The following CTNNA3 variants were observed in gnomAD, a reference collection of about 807,000 sequenced individuals.
CTNNA3 encodes the protein catenin alpha-3.
In CTNNA3, 76 loss-of-function variants were observed where a neutral mutation model predicts 95.7. The observed-to-expected ratio is 0.79, with a 90% CI of 0.66 to 0.96. The LOEUF is 0.96. Among genes scored for constraint, CTNNA3 ranks in the 40% least tolerant of loss-of-function variants. The probability of loss-of-function intolerance (pLI) is 0.00; values close to 1 mark genes in which losing one functional copy is unlikely to be tolerated. For synonymous variants in CTNNA3, 431 were observed against 374.4 expected (o/e 1.15, Z -1.74); for missense variants, 1,191 against 1,089.8 (o/e 1.09, Z -1.31).
chr10:66,077,951 G>A (rs1381159803), intron 14 of CTNNA3, among the ~76,000 whole-genome samples: 1 of 151,552 alleles, frequency 6.6e-6, no homozygotes, highest in Non-Finnish European at 1.5e-5. Flanking sequence ...TTTGTTTAGG[G>A]GCATCAACAC....
chr10:66,547,950 T>G (rs528247652), intron 10 of CTNNA3, among the ~76,000 whole-genome samples: 1 of 151,980 alleles, frequency 6.6e-6, no homozygotes. Context: ...AGTTTCACTC[T>G]TGTTGCTCAG....
At chr10:67,631,271 G>A (rs543681532) in intron 2 of CTNNA3, among the ~76,000 whole-genome samples, 25 of 151,384 alleles carry the variant, frequency 1.7e-4, no homozygotes, top group African/African-American at 5.8e-4. Flanking sequence ...CCTGCAAAAT[G>A]ACCCAAGAGA....
chr10:66,023,372 A>G (rs1303260062), intron 15 of CTNNA3, among the ~76,000 whole-genome samples: 3 of 147,328 alleles, frequency 2.0e-5, no homozygotes, highest in African/African-American at 7.5e-5. Flanking sequence ...GTTAACATAC[A>G]TACCTCATGA....
At chr10:66,594,035 T>C (rs1456380102) in intron 10 of CTNNA3, among the ~76,000 whole-genome samples, 1 of 152,136 alleles carries the variant, frequency 6.6e-6, no homozygotes, top group African/African-American at 2.4e-5. Context: ...TAGAAATATC[T>C]CTTCCACCTG....
chr10:66,704,248 A>G (rs1168330611), intron 9 of CTNNA3, among the ~76,000 whole-genome samples: 2 of 152,102 alleles, frequency 1.3e-5, no homozygotes, highest in Non-Finnish European at 2.9e-5. Context: ...AGTCAACACT[A>G]TACTCTTCCA....
At chr10:67,425,380 C>G (rs1207629237) in intron 5 of CTNNA3, among the ~76,000 whole-genome samples, 2 of 152,100 alleles carry the variant, frequency 1.3e-5, no homozygotes, top group Non-Finnish European at 2.9e-5. Context: ...AGCAGAGAGG[C>G]ACTCTCAATG....
intron 5 of CTNNA3, among the ~76,000 whole-genome samples, chr10:67,365,164 C>A (rs369853378): frequency 6.6e-6 from 1 of 152,016 alleles, no homozygotes; most frequent in Admixed American, 6.6e-5. Context: ...GGAAAACTGG[C>A]GAACCATATG....
intron 7 of CTNNA3, among the ~76,000 whole-genome samples, chr10:66,932,098 G>A (rs975592098): frequency 2.0e-5 from 3 of 152,076 alleles, no homozygotes; most frequent in South Asian, 4.2e-4. Flanking sequence ...TTGCCTCAGC[G>A]CTTTCTCCCT....
intron 10 of CTNNA3, among the ~76,000 whole-genome samples, chr10:66,585,453 A>C (rs1175651860): frequency 1.3e-5 from 2 of 151,256 alleles, no homozygotes; most frequent in African/African-American, 2.4e-5. Context: ...TGAGTTCTGA[A>C]ATTCTTTCTT....
chr10:67,260,694 GTT>G (rs1866569889), intron 5 of CTNNA3, among the ~76,000 whole-genome samples: 1 of 144,832 alleles, frequency 6.9e-6, no homozygotes, highest in Non-Finnish European at 1.5e-5. Flanking sequence ...TTTTTTTTTT[GTT>G]TTTTTGAGGT....
At chr10:66,906,521 T>G (rs1845992794) in intron 7 of CTNNA3, among the ~76,000 whole-genome samples, 1 of 151,958 alleles carries the variant, frequency 6.6e-6, no homozygotes, top group South Asian at 2.1e-4. Context: ...CACTTCAGAG[T>G]GTCTTTTGGT....
intron 5 of CTNNA3, among the ~76,000 whole-genome samples, chr10:67,274,211 G>GA (rs1485395853): frequency 5.9e-5 from 9 of 151,984 alleles, no homozygotes. Context: ...GAAAACTATA[G>GA]AAAGATTCAA....
intron 1 of CTNNA3, among the ~76,000 whole-genome samples, chr10:67,654,954 C>G (rs957105914): frequency 6.6e-6 from 1 of 151,986 alleles, no homozygotes; most frequent in African/African-American, 2.4e-5. Flanking sequence ...GTTAAATAGT[C>G]GAAAACACAG....
rs572322768 is a variant in CTNNA3 at position 66,234,761 on chromosome 10, C to A, written c.1884+45709G>T. ...TATTATTTACAACTATGCAAAACTC[C>A]CTTCTCTTGAGTATAGGCTTGAACT... On this transcript the variant is annotated intron_variant, in intron 13 of 17. Coordinates refer to ENST00000433211, the MANE Select transcript of CTNNA3 (RefSeq NM_013266.4). Among the ~76,000 whole-genome samples the A allele has an allele frequency of 9.9e-4, 151 of 152,268 alleles. 2 individuals are homozygous for A. The South Asian group carries it at 0.031, about 31-fold the overall frequency.
At chr10:66,475,594 C>CA (rs1839294847) in intron 11 of CTNNA3, among the ~76,000 whole-genome samples, 1 of 151,662 alleles carries the variant, frequency 6.6e-6, no homozygotes, top group Non-Finnish European at 1.5e-5. Flanking sequence ...TTCATGTGGC[C>CA]AAAAAACATA....
chr10:67,217,883 A>G (rs1864455990), intron 6 of CTNNA3, among the ~76,000 whole-genome samples: 1 of 152,146 alleles, frequency 6.6e-6, no homozygotes, highest in Non-Finnish European at 1.5e-5. Context: ...CTGAATGCCA[A>G]TGTGATGGCA....
At chr10:67,389,461 G>T (rs1488545716) in intron 5 of CTNNA3, among the ~76,000 whole-genome samples, 2 of 151,998 alleles carry the variant, frequency 1.3e-5, no homozygotes. Context: ...CATTAAAAAT[G>T]GGAGACTTTA....
chr10:66,505,167 A>T (rs1461757841), intron 11 of CTNNA3, among the ~76,000 whole-genome samples: 1 of 152,168 alleles, frequency 6.6e-6, no homozygotes, highest in Non-Finnish European at 1.5e-5. Context: ...CTTATTGTTT[A>T]TTCAAATGAA....
At chr10:66,086,609 CAA>C (rs1198842497) in intron 14 of CTNNA3, among the ~76,000 whole-genome samples, 1 of 151,994 alleles carries the variant, frequency 6.6e-6, no homozygotes, top group Non-Finnish European at 1.5e-5. Context: ...AAAATTACCA[CAA>C]AAAACTTACC....
Sources: gnomAD v4.1 joint callset for allele counts (sites outside exome capture counted in the v4.1 genomes callset) on GRCh38, gnomAD v4.1.1 for gene constraint, MANE v1.5 for transcripts, NCBI Gene and HGNC (gene_info 2026-07-23, HGNC 2026-07-21) for gene names.